The following PHACTR1 variants were observed in gnomAD, a reference collection of about 807,000 sequenced individuals.
PHACTR1 encodes RPEL repeat containing 1.
PHACTR1 carries 16 observed loss-of-function variants against 69.2 expected under a neutral mutation model. The ratio of observed to expected loss-of-function variants is 0.23; its 90% CI spans 0.16 to 0.35. The LOEUF (loss-of-function observed/expected upper bound fraction) is 0.35, where lower values mean the gene tolerates loss of function less well. Ranked by LOEUF, PHACTR1 falls within the 10% of genes least tolerant of loss-of-function variation. The probability of loss-of-function intolerance (pLI) is 1.00; values close to 1 mark genes in which losing one functional copy is unlikely to be tolerated. For missense variants in PHACTR1, 510 were observed against 734.7 expected (o/e 0.69, Z 3.54); for synonymous variants, 312 against 284.5 (o/e 1.10, Z -0.97).
Position 13,169,211 on chromosome 6 carries a change from G to A in PHACTR1, c.496+8927G>A, listed in dbSNP as rs143812756. Reference sequence around the variant, plus strand: ...TGAGACTCAGGATTTGGGCGTGGGCGACTGGGTAGACCATTCCCTGAGCTG... The same window carrying A: ...TGAGACTCAGGATTTGGGCGTGGGCAACTGGGTAGACCATTCCCTGAGCTG... On this transcript the variant is annotated intron_variant, in intron 6 of 14. Coordinates refer to ENST00000332995, the MANE Select transcript of PHACTR1 (RefSeq NM_030948.6). Among the ~76,000 whole-genome samples the A allele has an allele frequency of 2.0e-4, 31 of 152,274 alleles. No homozygotes were observed. In the East Asian group the frequency reaches 4.6e-3, roughly 23 times the overall value.
intron 5 of PHACTR1, among the ~76,000 whole-genome samples, chr6:13,090,672 C>T (rs1322666167): frequency 1.3e-5 from 2 of 152,108 alleles, no homozygotes; most frequent in African/African-American, 4.8e-5. Context: ...AGTAACATCC[C>T]CAAGATGACT....
intron 4 of PHACTR1, among the ~76,000 whole-genome samples, chr6:12,750,590 CAGA>C (rs1766498058): frequency 6.6e-6 from 1 of 151,878 alleles, no homozygotes; most frequent in East Asian, 1.9e-4. Flanking sequence ...AGGAAAGCAA[CAGA>C]AGGAGGACTG....
intron 4 of PHACTR1, among the ~76,000 whole-genome samples, chr6:13,025,961 T>C (rs757549490): frequency 4.6e-5 from 7 of 152,128 alleles, no homozygotes; most frequent in Non-Finnish European, 1.0e-4. Context: ...ACATTGTTGA[T>C]GGTTCCAAAA....
chr6:13,081,117 A>G (rs1811307516), intron 5 of PHACTR1, among the ~76,000 whole-genome samples: 2 of 152,308 alleles, frequency 1.3e-5, no homozygotes, highest in South Asian at 4.2e-4. Flanking sequence ...CAGTCTTTTC[A>G]TGTACCCCAA....
chr6:12,824,645 A>G (rs984775094), intron 4 of PHACTR1, among the ~76,000 whole-genome samples: 11 of 152,246 alleles, frequency 7.2e-5, no homozygotes, highest in Non-Finnish European at 1.6e-4. Context: ...GGCTAGAAAT[A>G]AAGTAGATAA....
intron 5 of PHACTR1, among the ~76,000 whole-genome samples, chr6:13,055,903 ATTCTTGTCATTAATGATCATAGCAAG>A (rs1806708674): frequency 1.3e-5 from 2 of 152,256 alleles, no homozygotes; most frequent in Non-Finnish European, 2.9e-5. Flanking sequence ...ACCTTAAATC[ATTCTTGTCATTAATGATCATAGCAAG>A]TTCTTGTGAC....
At chr6:12,769,864 C>T (rs1769155943) in intron 4 of PHACTR1, among the ~76,000 whole-genome samples, 2 of 152,206 alleles carry the variant, frequency 1.3e-5, no homozygotes, top group Non-Finnish European at 2.9e-5. Context: ...TCTTTAACCC[C>T]CCAAGTCGAG....
intron 3 of PHACTR1, among the ~76,000 whole-genome samples, chr6:12,742,196 T>TA (rs1342266027): frequency 6.6e-6 from 1 of 152,176 alleles, no homozygotes; most frequent in Non-Finnish European, 1.5e-5. Context: ...TGCTTATACT[T>TA]ACTGTTACTT....
chr6:12,758,631 C>T lies in PHACTR1; in HGVS notation c.250+8841C>T, dbSNP rs532235663. ...GAAGTTACATGACATAGTGAAGGTACTACAGCTAATAAGAGAAAGAACTGG... is the reference window on the plus strand; with the variant it reads ...GAAGTTACATGACATAGTGAAGGTATTACAGCTAATAAGAGAAAGAACTGG... On this transcript the variant is annotated intron_variant, in intron 4 of 14. Transcript: ENST00000332995. 3.0e-3 allele frequency among the ~76,000 whole-genome samples: 462 copies of T among 151,980 alleles called. 2 individuals are homozygous for T. The highest frequency in any genetic ancestry group is 0.011 in the African/African-American group (435 of 41,348).
At chr6:12,837,986 C>G (rs1778321665) in intron 4 of PHACTR1, among the ~76,000 whole-genome samples, 2 of 152,188 alleles carry the variant, frequency 1.3e-5, no homozygotes, top group South Asian at 4.1e-4. Context: ...GGAGCCATTT[C>G]CAAGCTCATG....
rs551679487 is a variant in PHACTR1 at position 12,898,682 on chromosome 6, G to A, written c.250+148892G>A. ...CAGGACTCATTGCTTCCATTCTTTC[G>A]GATCCAGTCTCGTGCTGCAGGCAGA... On this transcript the variant is annotated intron_variant, in intron 4 of 14. Transcript: ENST00000332995. Among the ~76,000 whole-genome samples the A allele has an allele frequency of 1.2e-4, 18 of 152,226 alleles. No homozygotes were observed. In the South Asian group the frequency reaches 3.7e-3, roughly 32 times the overall value.
chr6:12,732,952 T>C (rs1763740937), intron 3 of PHACTR1, among the ~76,000 whole-genome samples: 1 of 152,214 alleles, frequency 6.6e-6, no homozygotes, highest in African/African-American at 2.4e-5. Context: ...CTCTGACTAA[T>C]ACCTCGTGAT....
chr6:12,778,869 T>A (rs1335610166), intron 4 of PHACTR1, among the ~76,000 whole-genome samples: 1 of 152,208 alleles, frequency 6.6e-6, no homozygotes, highest in Non-Finnish European at 1.5e-5. Context: ...ACATTGTGCC[T>A]TTGTGCAAAT....
intron 4 of PHACTR1, among the ~76,000 whole-genome samples, chr6:12,946,680 G>A (rs1400482593): frequency 6.6e-6 from 1 of 151,980 alleles, no homozygotes; most frequent in Non-Finnish European, 1.5e-5. Context: ...GCAAACAAAT[G>A]AAAAAGTAGC....
At chr6:12,730,849 T>C (rs989468182) in intron 3 of PHACTR1, among the ~76,000 whole-genome samples, 9 of 152,156 alleles carry the variant, frequency 5.9e-5, no homozygotes, top group Non-Finnish European at 1.2e-4. Context: ...TGAGAACATT[T>C]GGTATTTGTT....
chr6:12,749,038 C>G (rs566277438), intron 3 of PHACTR1, among the ~76,000 whole-genome samples: 1 of 152,350 alleles, frequency 6.6e-6, no homozygotes, highest in Non-Finnish European at 1.5e-5. Context: ...GAGGGCTGGG[C>G]TGGGCACAAT....
intron 4 of PHACTR1, among the ~76,000 whole-genome samples, chr6:12,805,787 G>C (rs971294334): frequency 6.6e-6 from 1 of 152,006 alleles, no homozygotes; most frequent in Admixed American, 6.6e-5. Flanking sequence ...TTTTAGTAGG[G>C]ACAGGGTTTC....
chr6:12,944,331 C>T (rs1180813059), intron 4 of PHACTR1, among the ~76,000 whole-genome samples: 1 of 152,162 alleles, frequency 6.6e-6, no homozygotes, highest in Non-Finnish European at 1.5e-5. Context: ...TGTCTGTTTG[C>T]TAGTTGACAA....
intron 5 of PHACTR1, among the ~76,000 whole-genome samples, chr6:13,107,134 T>C (rs1816294450): frequency 6.6e-6 from 1 of 152,044 alleles, no homozygotes. Flanking sequence ...TCTCACTCTT[T>C]CCAGACAGAC....
Sources: allele counts gnomAD v4.1 joint callset (sites outside exome capture counted in the v4.1 genomes callset), GRCh38; gene constraint gnomAD v4.1.1; transcripts MANE v1.5; gene names NCBI Gene and HGNC (gene_info 2026-07-23, HGNC 2026-07-21).